Variants in PLD5 observed in about 807,000 individuals in gnomAD.
The protein encoded by PLD5 is phospholipase D family member 5.
In PLD5, 36 loss-of-function variants were observed where a neutral mutation model predicts 61.1. The observed-to-expected ratio is 0.59, with a 90% CI of 0.45 to 0.78. The LOEUF (loss-of-function observed/expected upper bound fraction) is 0.78. Among genes scored for constraint, PLD5 ranks in the 30% least tolerant of loss-of-function variants. The pLI is 0.00. For missense variants in PLD5, 515 were observed against 644.4 expected (o/e 0.80, Z 2.17); for synonymous variants, 243 against 242.8 (o/e 1.00, Z -0.01).
At chr1:242,350,972 G>A (rs1045091821) in intron 1 of PLD5, among the ~76,000 whole-genome samples, 1 of 148,904 alleles carries the variant, frequency 6.7e-6, no homozygotes, top group African/African-American at 2.5e-5. Context: ...CGTGATCACC[G>A]CTCACCGCAA....
At chr1:242,194,181 C>T (rs909823784) in intron 5 of PLD5, among the ~76,000 whole-genome samples, 1 of 152,080 alleles carries the variant, frequency 6.6e-6, no homozygotes, top group Non-Finnish European at 1.5e-5. Context: ...ATGCCTCGTC[C>T]CAGACATCAG....
chr1:242,450,175 C>T (rs570271755), intron 1 of PLD5, among the ~76,000 whole-genome samples: 42 of 152,312 alleles, frequency 2.8e-4, no homozygotes, highest in African/African-American at 1.0e-3. Flanking sequence ...CAGAAGAATT[C>T]AATCACACAG....
intron 1 of PLD5, among the ~76,000 whole-genome samples, chr1:242,501,676 G>C (rs1001082692): frequency 6.6e-6 from 1 of 151,952 alleles, no homozygotes; most frequent in Admixed American, 6.6e-5. Flanking sequence ...AATCCAAAGA[G>C]AATGTTTTGT....
intron 5 of PLD5, among the ~76,000 whole-genome samples, chr1:242,155,007 T>C (rs1166291213): frequency 1.3e-5 from 2 of 152,194 alleles, no homozygotes; most frequent in African/African-American, 2.4e-5. Flanking sequence ...CTATTAATTA[T>C]TGCCTCAATT....
chr1:242,214,990 ACT>A (rs1670067773), intron 5 of PLD5, among the ~76,000 whole-genome samples: 1 of 139,536 alleles, frequency 7.2e-6, no homozygotes, highest in Non-Finnish European at 1.5e-5. Flanking sequence ...CATTCTCCTG[ACT>A]CAGCCTCCAG....
Position 242,424,884 on chromosome 1 carries a change from C to T in PLD5, c.190-76642G>A, listed in dbSNP as rs528173863. Among the ~76,000 whole-genome samples the T allele has an allele frequency of 5.9e-5, 9 of 152,272 alleles. No individual in the cohort carries two copies. The South Asian group carries it at 1.2e-3, about 21-fold the overall frequency. The stretch of plus-strand genomic sequence containing the variant: ...TGGTGGCTCACACCTGTAATCCCAG[C>T]ACTTTGGGAGGTCAAGACGGGTAGA... On this transcript the variant is annotated intron_variant, in intron 1 of 9. Transcript: ENST00000536534.
intron 4 of PLD5, among the ~76,000 whole-genome samples, chr1:242,223,118 C>T (rs1670704561): frequency 1.3e-5 from 2 of 152,270 alleles, no homozygotes; most frequent in South Asian, 2.1e-4. Flanking sequence ...GGTCGACTTT[C>T]TGGTTCACAG....
intron 7 of PLD5, among the ~76,000 whole-genome samples, chr1:242,113,158 T>C (rs548025733): frequency 8.1e-5 from 12 of 148,548 alleles, no homozygotes; most frequent in East Asian, 2.0e-4. Flanking sequence ...GGCGTGATCT[T>C]GGCTCACTGC....
chr1:242,277,095 G>A (rs1044100229), intron 3 of PLD5, among the ~76,000 whole-genome samples: 3 of 152,082 alleles, frequency 2.0e-5, no homozygotes, highest in South Asian at 2.1e-4. Flanking sequence ...TTGCTCGAGC[G>A]TCCACTCTGG....
intron 5 of PLD5, among the ~76,000 whole-genome samples, chr1:242,207,912 A>T (rs1400422513): frequency 4.8e-5 from 2 of 41,352 alleles, no homozygotes; most frequent in African/African-American, 2.3e-4. Context: ...ATTTATATAT[A>T]TTTATATATT....
chr1:242,444,205 C>T (rs2102911959), intron 1 of PLD5, among the ~76,000 whole-genome samples: 1 of 152,298 alleles, frequency 6.6e-6, no homozygotes, highest in Admixed American at 6.5e-5. Flanking sequence ...TTGACACCAT[C>T]TTCAAGGAGA....
At chr1:242,155,872 G>C (rs951348545) in intron 5 of PLD5, among the ~76,000 whole-genome samples, 5 of 152,116 alleles carry the variant, frequency 3.3e-5, no homozygotes, top group African/African-American at 9.7e-5. Context: ...AGGTCTGCTT[G>C]GTCCAGAGCT....
chr1:242,521,584 G>C (rs2103012865), intron 1 of PLD5, among the ~76,000 whole-genome samples: 1 of 106,732 alleles, frequency 9.4e-6, no homozygotes, highest in South Asian at 2.8e-4. Flanking sequence ...CAAAATAACT[G>C]AGTAGGCTGT....
At chr1:242,093,619 A>G (rs969901263) in intron 9 of PLD5, among the ~76,000 whole-genome samples, 9 of 152,016 alleles carry the variant, frequency 5.9e-5, no homozygotes, top group African/African-American at 2.2e-4. Context: ...CCCGGGGTCC[A>G]CCCTTTACTT....
chr1:242,112,990 T>C (rs1661646973), intron 7 of PLD5, among the ~76,000 whole-genome samples: 1 of 151,984 alleles, frequency 6.6e-6, no homozygotes, highest in African/African-American at 2.4e-5. Flanking sequence ...TGATGAATTA[T>C]TGAAAAGCAC....
At chr1:242,231,339 C>CGGAGAGAAG (rs1282239434) in intron 4 of PLD5, among the ~76,000 whole-genome samples, 19 of 152,264 alleles carry the variant, frequency 1.2e-4, no homozygotes, top group African/African-American at 4.6e-4. Context: ...CCAGTGCTCA[C>CGGAGAGAAG]GGAGAGAAGG....
intron 1 of PLD5, among the ~76,000 whole-genome samples, chr1:242,406,580 C>T (rs1237255653): frequency 1.3e-5 from 2 of 152,178 alleles, no homozygotes; most frequent in African/African-American, 4.8e-5. Flanking sequence ...ACCAAGGAAG[C>T]TTTTGATAAA....
At chr1:242,138,617 T>C (rs1396384040) in intron 5 of PLD5, among the ~76,000 whole-genome samples, 1 of 152,192 alleles carries the variant, frequency 6.6e-6, no homozygotes, top group Non-Finnish European at 1.5e-5. Flanking sequence ...TCTGTAAACA[T>C]ATCAGCAACA....
At chr1:242,496,502 T>A (rs1668374280) in intron 1 of PLD5, among the ~76,000 whole-genome samples, 1 of 152,242 alleles carries the variant, frequency 6.6e-6, no homozygotes, top group African/African-American at 2.4e-5. Context: ...GGCAGTTTTT[T>A]AAAAAGCATT....
Sources: allele counts gnomAD v4.1 joint callset (sites outside exome capture counted in the v4.1 genomes callset), GRCh38; gene constraint gnomAD v4.1.1; transcripts MANE v1.5; gene names NCBI Gene and HGNC (gene_info 2026-07-23, HGNC 2026-07-21).